Variants in MTHFD2L observed in about 807,000 individuals in gnomAD.
MTHFD2L encodes methylenetetrahydrofolate dehydrogenase (NADP+ dependent) 2 like, also known as bifunctional methylenetetrahydrofolate dehydrogenase/cyclohydrolase 2, mitochondrial.
A neutral mutation model predicts 34.9 loss-of-function variants in MTHFD2L; 29 were observed. The ratio of observed to expected loss-of-function variants is 0.83; its 90% CI spans 0.62 to 1.13. The LOEUF (loss-of-function observed/expected upper bound fraction) is 1.13, where lower values mean the gene tolerates loss of function less well. MTHFD2L is among the 50% of genes most tolerant of loss of function. The pLI, the probability that MTHFD2L is intolerant of heterozygous loss-of-function variation, is 0.00. For synonymous variants in MTHFD2L, 167 were observed against 155.7 expected (o/e 1.07, Z -0.54); for missense variants, 481 against 446.5 (o/e 1.08, Z -0.70).
In MTHFD2L at chr4:74,301,679, G is replaced by GC; in HGVS notation, c.932-18_932-17insC. 6.9e-7 allele frequency: 1 copy of GC among 1,447,504 alleles called. No homozygotes were observed. The highest frequency in any genetic ancestry group is 1.3e-5 in the South Asian group (1 of 77,576). 89.7% of individuals were successfully genotyped at this position (1,447,504 alleles called of 1,614,324 possible). A position where few individuals can be genotyped will look rare whatever the true frequency, so the allele number is the denominator to read the frequency against. ...ATTTTAAAATAAAGAATATCTGTTT[G>GC]TTTTTTTTCCTCATCAGCTGTTAAA... On this transcript the variant is annotated splice_polypyrimidine_tract_variant and intron_variant, in intron 7 of 7. Coordinates refer to ENST00000325278, the MANE Select transcript of MTHFD2L (RefSeq NM_001144978.3).
intron 3 of MTHFD2L, chr4:74,183,159 A>G (rs1730508386): frequency 6.6e-6 from 1 of 152,192 alleles, no homozygotes; most frequent in Non-Finnish European, 1.5e-5. Context: ...GAGGACAGTG[A>G]CAGAATATTT....
At chr4:74,120,570 A>G (rs940754417), upstream of MTHFD2L, among the ~76,000 whole-genome samples, 5 of 152,212 alleles carry the variant, frequency 3.3e-5, no homozygotes, top group Admixed American at 6.5e-5. Context: ...TCACTTCTGA[A>G]TGTAACTCTT....
chr4:74,178,146 A>G (rs573017745), intron 3 of MTHFD2L, among the ~76,000 whole-genome samples: 31 of 152,166 alleles, frequency 2.0e-4, no homozygotes, highest in African/African-American at 7.0e-4. Context: ...TTAGTTAGAC[A>G]GGAATAAGTT....
At chr4:74,220,931 A>T (rs2110109466) in intron 5 of MTHFD2L, among the ~76,000 whole-genome samples, 1 of 150,398 alleles carries the variant, frequency 6.6e-6, no homozygotes, top group East Asian at 2.0e-4. Flanking sequence ...TTTCTGTTTT[A>T]TTGATATAAT....
intron 1 of MTHFD2L, among the ~76,000 whole-genome samples, chr4:74,171,876 G>A (rs1268816918): frequency 6.6e-6 from 1 of 152,122 alleles, no homozygotes; most frequent in Non-Finnish European, 1.5e-5. Flanking sequence ...TGTAACAGCT[G>A]TATTTGTCAT....
At chr4:74,156,770 T>A (rs539707439), upstream of MTHFD2L, 2 of 152,352 alleles carry the variant, frequency 1.3e-5, no homozygotes, top group South Asian at 4.1e-4. Context: ...TAGTGGTATC[T>A]CACTGTTGTT....
At chr4:74,171,141 A>T (rs1384539000) in intron 1 of MTHFD2L, among the ~76,000 whole-genome samples, 12 of 152,186 alleles carry the variant, frequency 7.9e-5, no homozygotes, top group African/African-American at 1.9e-4. Context: ...TAATAAAATT[A>T]AAAAAATTCA....
chr4:74,143,602 A>AT, intron 1 of MTHFD2L: 1 of 209,290 alleles, frequency 4.8e-6, no homozygotes, highest in Non-Finnish European at 8.3e-6. Context: ...TTGAAGTAAG[A>AT]TTTTTCATGT....
At chr4:74,151,336 A>T (rs1483175182) in intron 1 of MTHFD2L, among the ~76,000 whole-genome samples, 1 of 152,222 alleles carries the variant, frequency 6.6e-6, no homozygotes, top group Non-Finnish European at 1.5e-5. Context: ...CAAATCAAAA[A>T]TCAATTTTAT....
chr4:74,262,485 C>T (rs186043908), intron 6 of MTHFD2L, among the ~76,000 whole-genome samples: 1 of 151,852 alleles, frequency 6.6e-6, no homozygotes, highest in African/African-American at 2.4e-5. Context: ...AAAATATTTG[C>T]ATTATACATA....
chr4:74,286,489 G>A (rs1748190254), intron 7 of MTHFD2L, among the ~76,000 whole-genome samples: 1 of 152,148 alleles, frequency 6.6e-6, no homozygotes, highest in Admixed American at 6.5e-5. Flanking sequence ...TATGTGCCAT[G>A]AGTAGTAAAT....
intron 6 of MTHFD2L, among the ~76,000 whole-genome samples, chr4:74,271,222 G>A (rs1480937619): frequency 6.6e-6 from 1 of 152,176 alleles, no homozygotes; most frequent in Admixed American, 6.5e-5. Context: ...TGCTTTTGGT[G>A]TTTTAGACAT....
chr4:74,279,772 G>A (rs922990317), intron 6 of MTHFD2L, among the ~76,000 whole-genome samples: 6 of 152,082 alleles, frequency 3.9e-5, no homozygotes, highest in African/African-American at 1.4e-4. Context: ...GCAATGCATA[G>A]TACCTATGTC....
chr4:74,282,839 G>A (rs771126141), intron 7 of MTHFD2L, among the ~76,000 whole-genome samples: 7 of 152,056 alleles, frequency 4.6e-5, no homozygotes, highest in African/African-American at 9.7e-5. Flanking sequence ...CTATCTGTAC[G>A]TATATACATA....
intron 1 of MTHFD2L, among the ~76,000 whole-genome samples, chr4:74,170,170 C>A (rs1727607383): frequency 6.6e-6 from 1 of 152,120 alleles, no homozygotes; most frequent in African/African-American, 2.4e-5. Flanking sequence ...TACATGATAA[C>A]ATTATAAGAA....
At chr4:74,129,682 G>C (rs1722328704) in intron 1 of MTHFD2L, among the ~76,000 whole-genome samples, 1 of 152,074 alleles carries the variant, frequency 6.6e-6, no homozygotes, top group South Asian at 2.1e-4. Context: ...AACTGGAGAA[G>C]CAACAGTAAA....
At chr4:74,204,166 C>T (rs1578455920) in intron 5 of MTHFD2L, among the ~76,000 whole-genome samples, 1 of 152,098 alleles carries the variant, frequency 6.6e-6, no homozygotes. Flanking sequence ...TGGAGTCAGG[C>T]CCCCTCCATT....
At chr4:74,182,215 G>C (rs374623969) in intron 3 of MTHFD2L, among the ~76,000 whole-genome samples, 26 of 152,252 alleles carry the variant, frequency 1.7e-4, no homozygotes, top group African/African-American at 6.3e-4. Flanking sequence ...TTATAACCCT[G>C]TAATCTGCCT....
At chr4:74,261,073 G>A (rs1040614947) in intron 6 of MTHFD2L, among the ~76,000 whole-genome samples, 2 of 151,698 alleles carry the variant, frequency 1.3e-5, no homozygotes, top group African/African-American at 4.8e-5. Flanking sequence ...TTTATATAAA[G>A]GTGGGACAAA....
Sources: allele counts gnomAD v4.1 joint callset (sites outside exome capture counted in the v4.1 genomes callset), GRCh38; gene constraint gnomAD v4.1.1; transcripts MANE v1.5; gene names NCBI Gene and HGNC (gene_info 2026-07-23, HGNC 2026-07-21).